PPFIA2: variants seen among roughly 807,000 people sequenced by gnomAD.
The protein encoded by PPFIA2 is liprin-alpha-2.
In PPFIA2, 46 loss-of-function variants were observed where a neutral mutation model predicts 175.5. The ratio of observed to expected loss-of-function variants is 0.26; its 90% CI spans 0.21 to 0.34. The LOEUF (loss-of-function observed/expected upper bound fraction) is 0.34. PPFIA2 is among the 10% of genes least tolerant of loss of function. The pLI is 1.00. For synonymous variants in PPFIA2, 568 were observed against 511.4 expected (o/e 1.11, Z -1.49); for missense variants, 1,179 against 1,506.1 (o/e 0.78, Z 3.60).
chr12:81,529,906 C>CA (rs1036880182), intron 4 of PPFIA2, among the ~76,000 whole-genome samples: 11 of 151,544 alleles, frequency 7.3e-5, no homozygotes, highest in South Asian at 2.1e-4. Context: ...ACAATCTGTA[C>CA]AAAAAAAACC....
chr12:81,454,078 G>A (rs1018177566), intron 5 of PPFIA2, among the ~76,000 whole-genome samples: 1 of 152,062 alleles, frequency 6.6e-6, no homozygotes, highest in African/African-American at 2.4e-5. Context: ...AATTAGCTGG[G>A]TATGGTGGCA....
intron 4 of PPFIA2, among the ~76,000 whole-genome samples, chr12:81,617,203 C>A (rs1318076100): frequency 2.0e-5 from 3 of 152,190 alleles, no homozygotes; most frequent in African/African-American, 7.2e-5. Flanking sequence ...AAAACTTCAT[C>A]TTTCTAAATT....
intron 3 of PPFIA2, among the ~76,000 whole-genome samples, chr12:81,706,293 C>T (rs1035746281): frequency 6.6e-6 from 1 of 152,122 alleles, no homozygotes; most frequent in South Asian, 2.1e-4. Context: ...TGTGGGAAAG[C>T]ACTGAGCACT....
intron 4 of PPFIA2, among the ~76,000 whole-genome samples, chr12:81,518,098 CA>C (rs1451680905): frequency 6.6e-6 from 1 of 152,042 alleles, no homozygotes; most frequent in African/African-American, 2.4e-5. Context: ...ATAAAACAAA[CA>C]AACAAAAAAC....
intron 4 of PPFIA2, among the ~76,000 whole-genome samples, chr12:81,489,604 C>A (rs1366154892): frequency 1.3e-5 from 2 of 151,838 alleles, no homozygotes; most frequent in African/African-American, 2.4e-5. Flanking sequence ...AAAAATAAAT[C>A]TATCTTTGAG....
At chr12:81,451,168 A>AAT (rs894681695) in intron 5 of PPFIA2, among the ~76,000 whole-genome samples, 21 of 151,556 alleles carry the variant, frequency 1.4e-4, no homozygotes, top group African/African-American at 3.4e-4. Context: ...TTTGTGTGTG[A>AAT]ATATATATAT....
At chr12:81,398,244 G>T (rs1380177490) in intron 8 of PPFIA2, among the ~76,000 whole-genome samples, 3 of 151,950 alleles carry the variant, frequency 2.0e-5, no homozygotes, top group African/African-American at 4.8e-5. Context: ...AGTAAAATTT[G>T]CTGGGGAAAT....
At chr12:81,549,344 T>A (rs2067507805) in intron 4 of PPFIA2, among the ~76,000 whole-genome samples, 1 of 152,014 alleles carries the variant, frequency 6.6e-6, no homozygotes, top group East Asian at 1.9e-4. Flanking sequence ...TTAATGTATA[T>A]TCTAAGAAAA....
chr12:81,273,583 T>C (rs2039728890), intron 28 of PPFIA2, among the ~76,000 whole-genome samples: 1 of 152,174 alleles, frequency 6.6e-6, no homozygotes, highest in South Asian at 2.1e-4. Flanking sequence ...TTCAAATTAG[T>C]TGGTGTCCTT....
At chr12:81,438,711 G>A (rs1010058473) in intron 7 of PPFIA2, among the ~76,000 whole-genome samples, 1 of 151,602 alleles carries the variant, frequency 6.6e-6, no homozygotes, top group Non-Finnish European at 1.5e-5. Context: ...CATACTTTGG[G>A]GGTACTTGTG....
In PPFIA2 at chr12:81,374,673, T is replaced by C; in HGVS notation, c.1227A>G (p.Val409=). The C allele has an allele frequency of 1.9e-6, 3 of 1,613,464 alleles. No individual in the cohort carries two copies. Among genetic ancestry groups the C allele is most frequent in the Non-Finnish European group, 1.7e-6 (2 of 1,179,578 alleles). The change falls in exon 11 of 33, where the codon GTA becomes GTG. Residue 409 remains valine, a synonymous_variant. Coordinates refer to ENST00000549396, the MANE Select transcript of PPFIA2 (RefSeq NM_003625.5). ...CAATTCTCTGAGCCAGTTCAGCCTC[T>C]ACTTCAGGCAAGGTTTCAGCCTTTC... is the stretch of plus-strand genomic sequence containing the variant. ...TMRKAETLPE[V]EAELAQRIAA... is the part of the protein sequence containing the mutation.
chr12:81,648,836 T>A (rs954513292), intron 4 of PPFIA2, among the ~76,000 whole-genome samples: 2 of 151,898 alleles, frequency 1.3e-5, no homozygotes, highest in African/African-American at 4.8e-5. Context: ...GACCAAAACA[T>A]ATATGGTCAC....
chr12:81,461,729 A>C (rs1340784812), intron 4 of PPFIA2, among the ~76,000 whole-genome samples: 3 of 151,808 alleles, frequency 2.0e-5, no homozygotes, highest in Non-Finnish European at 4.4e-5. Flanking sequence ...TCCTGTTTCC[A>C]TTTCTACCTT....
chr12:81,574,881 T>C (rs944526952), intron 4 of PPFIA2, among the ~76,000 whole-genome samples: 1 of 151,788 alleles, frequency 6.6e-6, no homozygotes, highest in Non-Finnish European at 1.5e-5. Context: ...TTAGATAACA[T>C]GTAACCAAAA....
intron 4 of PPFIA2, among the ~76,000 whole-genome samples, chr12:81,485,689 A>G (rs1275534331): frequency 6.6e-6 from 1 of 152,002 alleles, no homozygotes; most frequent in African/African-American, 2.4e-5. Flanking sequence ...AATGTATAAC[A>G]CAAGTCACAA....
chr12:81,640,912 T>A (rs1042303121), intron 4 of PPFIA2, among the ~76,000 whole-genome samples: 2 of 152,054 alleles, frequency 1.3e-5, no homozygotes, highest in East Asian at 3.9e-4. Flanking sequence ...TTAAAAAAAA[T>A]TAAGTTGTTT....
At position 81,258,369 on chromosome 12, in the gene PPFIA2, A is replaced by T. The variant is rs1485556421; in HGVS notation, c.*1325T>A. 6.6e-6 allele frequency: 1 copy of T among 152,178 alleles called. No homozygotes were observed. Among genetic ancestry groups the T allele is most frequent in the East Asian group, 1.9e-4 (1 of 5,192 alleles). 9.4% of individuals were successfully genotyped at this position (152,178 alleles called of 1,614,324 possible). A position where few individuals can be genotyped will look rare whatever the true frequency, so the allele number is the denominator to read the frequency against. ...ATAGACATCAAAACAAATGTAATGT[A>T]CGTGCAAACATAGCAAATTAAAATA... On this transcript the variant is annotated 3_prime_UTR_variant, in exon 33 of 33. Coordinates refer to ENST00000549396, the MANE Select transcript of PPFIA2 (RefSeq NM_003625.5).
At chr12:81,563,863 G>A (rs548408465) in intron 4 of PPFIA2, among the ~76,000 whole-genome samples, 9 of 152,202 alleles carry the variant, frequency 5.9e-5, no homozygotes, top group Admixed American at 5.2e-4. Flanking sequence ...TTTGTGAGGG[G>A]AAAAAGTACA....
intron 3 of PPFIA2, among the ~76,000 whole-genome samples, chr12:81,745,696 T>C (rs1189069992): frequency 6.6e-6 from 1 of 152,184 alleles, no homozygotes; most frequent in African/African-American, 2.4e-5. Flanking sequence ...TCTTCAAACA[T>C]TGCCAACCTT....
Sources: gnomAD v4.1 joint callset for allele counts (sites outside exome capture counted in the v4.1 genomes callset) on GRCh38, gnomAD v4.1.1 for gene constraint, MANE v1.5 for transcripts, NCBI Gene and HGNC (gene_info 2026-07-23, HGNC 2026-07-21) for gene names.